Variants in CGA observed in about 807,000 individuals in gnomAD.
CGA encodes glycoprotein hormones alpha chain.
A neutral mutation model predicts 12.0 loss-of-function variants in CGA; 4 were observed. The observed-to-expected ratio is 0.33, with a 90% CI of 0.16 to 0.76. The LOEUF is 0.76. CGA is among the 30% of genes least tolerant of loss of function. The pLI is 0.60. For synonymous variants in CGA, 60 were observed against 56.6 expected (o/e 1.06, Z -0.27); for missense variants, 102 against 143.5 (o/e 0.71, Z 1.48).
chr6:87,090,468 T>C (rs1418397184), intron 1 of CGA, among the ~76,000 whole-genome samples: 2 of 151,330 alleles, frequency 1.3e-5, no homozygotes, highest in African/African-American at 4.9e-5. Flanking sequence ...TCATCACTAA[T>C]TTTTTTTTGA....
rs1274730702 is a variant in CGA at position 87,086,394 on chromosome 6, G to A, written c.129C>T (p.Ser43=). ...ECTLQENPFF[S]QPGAPILQCM... ...ACTGAAGTATTGGGGCACCCGGCTG[G>A]GAGAAGAATGGGTTTTCCTGTAGCG... The change falls in exon 3 of 4, where the codon TCC becomes TCT. Residue 43 remains serine (S), a synonymous_variant. Transcript: ENST00000627148. 2 of 1,613,220 alleles carry A rather than the reference G, an allele frequency of 1.2e-6. No homozygotes were observed. Among genetic ancestry groups the A allele is most frequent in the Admixed American group, 1.7e-5 (1 of 59,860 alleles).
intron 1 of CGA, 24 bp from the exon 2 acceptor site, chr6:87,088,231 A>G: frequency 2.2e-6 from 3 of 1,348,436 alleles, no homozygotes; most frequent in Non-Finnish European, 3.0e-6. Flanking sequence ...TGGCAAAAAA[A>G]AAAAAACAAA....
intron 1 of CGA, chr6:87,089,192 G>A (rs1365669755): frequency 6.6e-6 from 1 of 152,172 alleles, no homozygotes; most frequent in Non-Finnish European, 1.5e-5. Flanking sequence ...AAATTATAGA[G>A]ATAGAGAATA....
chr6:87,086,188 G>A lies in CGA; in HGVS notation c.273+62C>T, dbSNP rs940648870. ...CTTTGGCATTAAATTCCATGGGTGG[G>A]CTCTATGAACATTTCTCTGATTGGG... is the stretch of plus-strand genomic sequence containing the variant. On this transcript the variant is annotated intron_variant, in intron 3 of 3. Coordinates refer to ENST00000627148, the MANE Select transcript of CGA (RefSeq NM_000735.4). 3 of 1,446,570 alleles carry A rather than the reference G, an allele frequency of 2.1e-6. No individual in the cohort carries two copies. In the African/African-American group the frequency reaches 4.3e-5, roughly 21 times the overall value. 89.6% of individuals were successfully genotyped at this position (1,446,570 alleles called of 1,614,324 possible).
chr6:87,091,138 A>G (rs1769426090), intron 1 of CGA, among the ~76,000 whole-genome samples: 1 of 152,210 alleles, frequency 6.6e-6, no homozygotes, highest in Non-Finnish European at 1.5e-5. Flanking sequence ...CTATATCAGA[A>G]TTAATTCAGA....
At chr6:87,086,983 G>C (rs1008922240) in intron 2 of CGA, among the ~76,000 whole-genome samples, 1 of 152,042 alleles carries the variant, frequency 6.6e-6, no homozygotes, top group Non-Finnish European at 1.5e-5. Context: ...GAAGGCTGAG[G>C]CAGAAGAATC....
rs1440483141 is a variant in CGA, at chr6:87,088,094, C to A, written c.88+19G>T. On this transcript the variant is annotated intron_variant, in intron 2 of 3. Transcript: ENST00000627148. ...TGTGTGTTGTCCTTATTACTTGAAC[C>A]ACAAATTTGGTCACGCACCCTGCAC... The A allele has an allele frequency of 4.6e-6, 7 of 1,513,150 alleles. No homozygotes were observed. Among genetic ancestry groups the A allele is most frequent in the Non-Finnish European group, 6.3e-6 (7 of 1,109,120 alleles). 93.7% of individuals were successfully genotyped at this position (1,513,150 alleles called of 1,614,324 possible).
rs1214093374 is a variant in CGA at position 87,088,224 on chromosome 6, C to T, written c.-7-17G>A. 3 of 436,080 alleles carry T rather than the reference C, an allele frequency of 6.9e-6. No homozygotes were observed. Among genetic ancestry groups the T allele is most frequent in the Non-Finnish European group, 6.0e-6 (2 of 330,910 alleles). 27.0% of individuals were successfully genotyped at this position (436,080 alleles called of 1,614,324 possible). ...ATGGCGCTCCTGCAGACAGACATGG[C>T]AAAAAAAAAAAAACAAAAAACAGTT... On this transcript the variant is annotated splice_polypyrimidine_tract_variant and intron_variant, in intron 1 of 3. Coordinates refer to ENST00000627148, the MANE Select transcript of CGA (RefSeq NM_000735.4).
At chr6:87,085,995 A>G in intron 3 of CGA, 162 bp from the exon 4 acceptor site, 1 of 679,144 alleles carries the variant, frequency 1.5e-6, no homozygotes, top group South Asian at 1.9e-5. Flanking sequence ...TTTTAGCACA[A>G]GTAAGCTGTA....
chr6:87,086,467 T>C, intron 2 of CGA, 33 bp from the exon 3 acceptor site: 1 of 1,568,012 alleles, frequency 6.4e-7, no homozygotes, highest in Non-Finnish European at 8.6e-7. Flanking sequence ...GAGTAAAATA[T>C]CCAAAAAAGA....
intron 1 of CGA, among the ~76,000 whole-genome samples, chr6:87,094,467 T>A (rs1769496814): frequency 6.6e-6 from 1 of 152,196 alleles, no homozygotes; most frequent in Non-Finnish European, 1.5e-5. Flanking sequence ...TTGATTTTTG[T>A]AGCATTTTAT....
intron 1 of CGA, among the ~76,000 whole-genome samples, chr6:87,094,629 C>T (rs1769502945): frequency 6.6e-6 from 1 of 152,170 alleles, no homozygotes; most frequent in Non-Finnish European, 1.5e-5. Context: ...GAAGATATAG[C>T]TATACATCAC....
chr6:87,086,429 G>A lies in CGA; in HGVS notation c.94C>T (p.Pro32Ser). ...GGGTTTTCCTGTAGCGTGCATTCTG[G>A]GCAATCTATCAGGGAAAAAAAAAGG... is the stretch of plus-strand genomic sequence containing the variant. ...LHSAPDVQDC[P>S]ECTLQENPFF... The change falls in exon 3 of 4, where the codon CCA (proline) becomes TCA (serine). Residue 32 changes from proline to serine, a missense_variant. Physicochemically the swap from Pro to Ser is moderately conservative, Grantham distance 74. Coordinates refer to ENST00000627148, the MANE Select transcript of CGA (RefSeq NM_000735.4). 1 of 1,592,216 alleles carries A rather than the reference G, an allele frequency of 6.3e-7. No individual in the cohort carries two copies. The highest frequency in any genetic ancestry group is 8.5e-7 in the Non-Finnish European group (1 of 1,173,246).
At position 87,088,153 on chromosome 6, in the gene CGA, C is replaced by T. The variant is rs765486294; in HGVS notation, c.48G>A (p.Ser16=). The change falls in exon 2 of 4, where the codon TCG becomes TCA. Residue 16 remains serine (S), a synonymous_variant. Transcript: ENST00000627148. ...CGGAATGGAGAACATGCAGAAACAC[C>T]GACAATGTGACCAGAAAGATAGCTG... ...KYAAIFLVTL[S]VFLHVLHSAP... is the part of the protein sequence containing the mutation. The T allele has an allele frequency of 1.3e-5, 21 of 1,595,468 alleles. No homozygotes were observed. Among genetic ancestry groups the T allele is most frequent in the African/African-American group, 6.9e-5 (5 of 72,694 alleles).
Position 87,086,312 on chromosome 6 carries a change from T to A in CGA, c.211A>T (p.Met71Leu), listed in dbSNP as rs779785267. The A allele has an allele frequency of 6.2e-7, 1 of 1,614,098 alleles. No homozygotes were observed. The highest frequency in any genetic ancestry group is 1.7e-5 in the Admixed American group (1 of 60,012). The change falls in exon 3 of 4, where the codon ATG becomes TTG. Residue 71 changes from methionine to leucine, a missense_variant. Coordinates refer to ENST00000627148, the MANE Select transcript of CGA (RefSeq NM_000735.4). ...GAGGTGACGTTCTTTTGGACCAACA[T>A]CGTCTTCTTGGACCTTAGTGGAGTG... ...YPTPLRSKKT[M>L]LVQKNVTSES...
At chr6:87,094,715 C>T (rs552442606) in intron 1 of CGA, 1 of 152,178 alleles carries the variant, frequency 6.6e-6, no homozygotes, top group Non-Finnish European at 1.5e-5. Flanking sequence ...CTCAAAAGAA[C>T]GTCTTTCCAA....
chr6:87,092,200 T>C (rs1419766405), intron 1 of CGA, among the ~76,000 whole-genome samples: 2 of 151,960 alleles, frequency 1.3e-5, no homozygotes, highest in Non-Finnish European at 2.9e-5. Flanking sequence ...GCCACAAAAA[T>C]ACCCCTCAGC....
chr6:87,086,654 T>C (rs1305175930), intron 2 of CGA: 1 of 505,252 alleles, frequency 2.0e-6, no homozygotes, highest in East Asian at 3.3e-5. Context: ...GACGTGATGG[T>C]GCACACCTGT....
chr6:87,085,860 T>C, intron 3 of CGA, 27 bp from the exon 4 acceptor site: 1 of 1,451,612 alleles, frequency 6.9e-7, no homozygotes, highest in Non-Finnish European at 9.7e-7. Flanking sequence ...AAAAAACATA[T>C]TATAGATTAG....
Sources: gnomAD v4.1 joint callset for allele counts (sites outside exome capture counted in the v4.1 genomes callset) on GRCh38, gnomAD v4.1.1 for gene constraint, MANE v1.5 for transcripts, NCBI Gene and HGNC (gene_info 2026-07-23, HGNC 2026-07-21) for gene names.